Variants in RBFOX1 observed in about 807,000 individuals in gnomAD.
RBFOX1 encodes the protein RNA binding protein fox-1 homolog 1.
RBFOX1 carries 8 observed loss-of-function variants against 57.7 expected under a neutral mutation model. The ratio of observed to expected loss-of-function variants is 0.14; its 90% confidence interval spans 0.08 to 0.25. The LOEUF is 0.25. Among genes scored for constraint, RBFOX1 ranks in the 10% least tolerant of loss-of-function variants. The pLI, the probability that RBFOX1 is intolerant of heterozygous loss-of-function variation, is 1.00. For missense variants in RBFOX1, 611 were observed against 548.5 expected (o/e 1.11, Z -1.14); for synonymous variants, 326 against 222.4 (o/e 1.47, Z -4.15).
intron 4 of RBFOX1, among the ~76,000 whole-genome samples, chr16:7,438,691 A>T (rs969141895): frequency 6.6e-6 from 1 of 152,208 alleles, no homozygotes; most frequent in Non-Finnish European, 1.5e-5. Context: ...AACGTGCTAA[A>T]GTCGGCTTCA....
intron 3 of RBFOX1, among the ~76,000 whole-genome samples, chr16:5,847,866 T>G (rs2056796871): frequency 6.6e-6 from 1 of 151,988 alleles, no homozygotes; most frequent in African/African-American, 2.4e-5. Context: ...CCAGACTATG[T>G]TAGTCATTAG....
At chr16:7,463,540 A>G (rs1292121226) in intron 4 of RBFOX1, among the ~76,000 whole-genome samples, 1 of 152,188 alleles carries the variant, frequency 6.6e-6, no homozygotes, top group Non-Finnish European at 1.5e-5. Context: ...CCATCAACAG[A>G]GTCCTACCCT....
chr16:5,636,058 A>G (rs955270961), intron 3 of RBFOX1, among the ~76,000 whole-genome samples: 19 of 151,544 alleles, frequency 1.3e-4, no homozygotes, highest in African/African-American at 4.4e-4. Flanking sequence ...AAAAAAGAGA[A>G]AAAAAAAAGG....
chr16:6,304,748 G>A (rs887455234), intron 1 of RBFOX1, among the ~76,000 whole-genome samples: 14 of 151,954 alleles, frequency 9.2e-5, no homozygotes, highest in African/African-American at 2.4e-4. Flanking sequence ...AGCCAGGTGC[G>A]GTGGTGCACG....
At chr16:6,834,584 C>CT (rs1207218519) in intron 3 of RBFOX1, among the ~76,000 whole-genome samples, 1 of 152,022 alleles carries the variant, frequency 6.6e-6, no homozygotes, top group Non-Finnish European at 1.5e-5. Context: ...AAAAAGAAAC[C>CT]TTGCAGAAAC....
intron 10 of RBFOX1, among the ~76,000 whole-genome samples, chr16:7,612,838 T>A (rs1382161227): frequency 6.6e-6 from 1 of 152,198 alleles, no homozygotes; most frequent in African/African-American, 2.4e-5. Context: ...ACCCACGTTG[T>A]ATATCATATC....
chr16:5,413,862 A>T (rs1232590592), intron 1 of RBFOX1, among the ~76,000 whole-genome samples: 2 of 152,164 alleles, frequency 1.3e-5, no homozygotes, highest in African/African-American at 4.8e-5. Flanking sequence ...GAAGGCAAAC[A>T]CAAGGTGAGT....
chr16:5,892,741 G>T (rs182736879), intron 4 of RBFOX1, among the ~76,000 whole-genome samples: 1 of 152,144 alleles, frequency 6.6e-6, no homozygotes, highest in African/African-American at 2.4e-5. Context: ...CAGGGGTAGT[G>T]GGGAGAAAAT....
At chr16:6,960,306 C>G (rs983940444) in intron 3 of RBFOX1, among the ~76,000 whole-genome samples, 2 of 152,158 alleles carry the variant, frequency 1.3e-5, no homozygotes, top group African/African-American at 2.4e-5. Flanking sequence ...AAGTTAATCA[C>G]TTACGTCTTT....
chr16:6,236,439 A>ATT lies in RBFOX1; in HGVS notation c.-126-80544_-126-80543dup, dbSNP rs34039278. Reference sequence around the variant, plus strand: ...AATATTAGCCTTTATTATGATGTTTATTTTTTTTTTTTTGAGGCAGAGTCT... The same window carrying ATT: ...AATATTAGCCTTTATTATGATGTTTATTTTTTTTTTTTTTTGAGGCAGAGTCT... On this transcript the variant is annotated intron_variant, in intron 1 of 15. Transcript: ENST00000550418. Among the ~76,000 whole-genome samples, 377 of 145,368 alleles carry ATT rather than the reference A, an allele frequency of 2.6e-3. 3 individuals carry two copies. The highest frequency in any genetic ancestry group is 7.5e-3 in the African/African-American group (298 of 39,728).
At chr16:5,854,312 G>A (rs190079490) in intron 3 of RBFOX1, among the ~76,000 whole-genome samples, 1 of 152,170 alleles carries the variant, frequency 6.6e-6, no homozygotes, top group Non-Finnish European at 1.5e-5. Context: ...GAAACTTTGT[G>A]TGTTTTGACC....
intron 3 of RBFOX1, among the ~76,000 whole-genome samples, chr16:6,860,197 A>G (rs1202757153): frequency 6.6e-6 from 1 of 152,218 alleles, no homozygotes; most frequent in African/African-American, 2.4e-5. Flanking sequence ...GCGGAAATGA[A>G]TTCATTCAAC....
At chr16:6,970,153 G>T (rs928477531) in intron 3 of RBFOX1, among the ~76,000 whole-genome samples, 1 of 151,602 alleles carries the variant, frequency 6.6e-6, no homozygotes, top group Non-Finnish European at 1.5e-5. Flanking sequence ...ATTCCAGCCT[G>T]GGCAACAGAA....
intron 4 of RBFOX1, among the ~76,000 whole-genome samples, chr16:7,052,481 T>C (rs745964492): frequency 2.0e-5 from 3 of 152,174 alleles, no homozygotes; most frequent in Non-Finnish European, 2.9e-5. Context: ...AAATGCTCTT[T>C]GGCTGTTGAC....
In RBFOX1 at chr16:6,174,068, C is replaced by T. The variant is rs182561735; in HGVS notation, c.-126-142927C>T. ...GACACTGCATATACTTTTTTATTCCCTTGAGTTCATCACCCTGTGGTTGAG... is the reference window on the plus strand; with the variant it reads ...GACACTGCATATACTTTTTTATTCCTTTGAGTTCATCACCCTGTGGTTGAG... On this transcript the variant is annotated intron_variant, in intron 1 of 15. Transcript: ENST00000550418. Among the ~76,000 whole-genome samples, 61 of 152,194 alleles carry T rather than the reference C, an allele frequency of 4.0e-4. 1 individual carries two copies. The highest frequency in any genetic ancestry group is 7.4e-5 in the Non-Finnish European group (5 of 68,012).
At chr16:6,955,348 G>GCA (rs34550051) in intron 3 of RBFOX1, among the ~76,000 whole-genome samples, 34,531 of 150,196 alleles carry the variant, frequency 0.23, 4,201 homozygotes, top group African/African-American at 0.27. Context: ...CCCCACATAT[G>GCA]CACACACACA....
chr16:7,671,686 G>A, intron 13 of RBFOX1: 1 of 1,237,624 alleles, frequency 8.1e-7, no homozygotes, highest in Non-Finnish European at 1.2e-6. Context: ...TTCTGGGGAG[G>A]GGAACAGTTC....
At chr16:6,640,366 G>T (rs11077060) in intron 2 of RBFOX1, among the ~76,000 whole-genome samples, 122,059 of 151,824 alleles carry the variant, frequency 0.8, 49,979 homozygotes, top group Middle Eastern at 0.97. Context: ...CCCAGAACTT[G>T]GGGAGGCCGA....
chr16:5,705,688 A>T (rs1373295972), intron 3 of RBFOX1, among the ~76,000 whole-genome samples: 3 of 152,214 alleles, frequency 2.0e-5, no homozygotes, highest in South Asian at 4.1e-4. Context: ...GACCTGACTC[A>T]TAGGACCTCT....
Sources: allele counts gnomAD v4.1 joint callset (sites outside exome capture counted in the v4.1 genomes callset), GRCh38; gene constraint gnomAD v4.1.1; transcripts MANE v1.5; gene names NCBI Gene and HGNC (gene_info 2026-07-23, HGNC 2026-07-21).